PRRG1: variants seen among roughly 807,000 people sequenced by gnomAD.
PRRG1 encodes proline rich and Gla domain 1.
A neutral mutation model predicts 11.8 loss-of-function variants in PRRG1; 5 were observed. That is an observed-to-expected ratio of 0.42 (90% CI 0.22 to 0.89). The LOEUF (loss-of-function observed/expected upper bound fraction) is 0.89. PRRG1 is among the 40% of genes least tolerant of loss of function. The pLI, the probability that PRRG1 is intolerant of heterozygous loss-of-function variation, is 0.28. For synonymous variants in PRRG1, 66 were observed against 60.4 expected (o/e 1.09, Z -0.43); for missense variants, 155 against 166.1 (o/e 0.93, Z 0.37).
chrX:37,435,710 A>G (rs1245396343), intron 3 of PRRG1, among the ~76,000 whole-genome samples: 3 of 111,349 alleles, frequency 2.7e-5, no homozygotes, highest in African/African-American at 9.8e-5. Flanking sequence ...GACTACTATC[A>G]AAACAGTCAA....
In PRRG1 at chrX:37,448,168, A is replaced by T. The variant is rs188702415; in HGVS notation, c.172-4968A>T. 1.1e-3 allele frequency among the ~76,000 whole-genome samples: 122 copies of T among 112,327 alleles called. 2 individuals carry two copies. Among genetic ancestry groups the T allele is most frequent in the African/African-American group, 3.7e-3 (116 of 30,945 alleles). Reference sequence around the variant, plus strand: ...AAGCAACAAAAGAACGAAGCAACGAAAGCATAGATTTATTGAAGCAAAAGT... The same window carrying T: ...AAGCAACAAAAGAACGAAGCAACGATAGCATAGATTTATTGAAGCAAAAGT... On this transcript the variant is annotated intron_variant, in intron 3 of 3. Transcript: ENST00000378628.
At chrX:37,360,665 C>T (rs1051365589) in intron 1 of PRRG1, among the ~76,000 whole-genome samples, 2 of 112,195 alleles carry the variant, frequency 1.8e-5, no homozygotes, top group Admixed American at 9.4e-5. Context: ...GTCAGTAATA[C>T]CCAGTTAATT....
rs543950271 is a variant in PRRG1 at position 37,367,405 on chromosome X, A to G, written c.-42+18010A>G. Among the ~76,000 whole-genome samples, 105 of 111,559 alleles carry G rather than the reference A, an allele frequency of 9.4e-4. 1 individual carries two copies. The South Asian group carries it at 0.038, about 40-fold the overall frequency. On this transcript the variant is annotated intron_variant, in intron 1 of 3. Transcript: ENST00000378628. ...TTACAATTGTGTTTTTACTGTCCAA[A>G]TATGTAGGGTTTTCCTGGTTTTCAT... is the stretch of plus-strand genomic sequence containing the variant.
intron 1 of PRRG1, among the ~76,000 whole-genome samples, chrX:37,366,206 G>A (rs1485914601): frequency 8.9e-6 from 1 of 111,939 alleles, no homozygotes; most frequent in Non-Finnish European, 1.9e-5. Context: ...AATTCTTGGT[G>A]AAATGCCCTG....
At chrX:37,393,809 T>C (rs1203016847) in intron 1 of PRRG1, among the ~76,000 whole-genome samples, 2 of 112,120 alleles carry the variant, frequency 1.8e-5, no homozygotes, top group Non-Finnish European at 3.8e-5. Flanking sequence ...GACTGAAATA[T>C]AATAAGCAGT....
At chrX:37,391,721 A>G (rs373194532) in intron 1 of PRRG1, among the ~76,000 whole-genome samples, 3 of 111,941 alleles carry the variant, frequency 2.7e-5, no homozygotes, top group South Asian at 3.7e-4. Context: ...AGAGAATACA[A>G]TTGACTTTAT....
intron 1 of PRRG1, among the ~76,000 whole-genome samples, chrX:37,364,145 G>T (rs1930496596): frequency 9.0e-6 from 1 of 111,037 alleles, no homozygotes; most frequent in African/African-American, 3.3e-5. Flanking sequence ...CAGTCCTGGT[G>T]CTAGAGTTAG....
intron 1 of PRRG1, among the ~76,000 whole-genome samples, chrX:37,400,217 T>A (rs782542624): frequency 0.045 from 4,957 of 110,856 alleles, 296 homozygotes; most frequent in African/African-American, 0.15. Flanking sequence ...TCCAAAATTG[T>A]ACACATAGTT....
intron 1 of PRRG1, among the ~76,000 whole-genome samples, chrX:37,350,056 G>A (rs1449541549): frequency 9.5e-6 from 1 of 104,979 alleles, no homozygotes; most frequent in Non-Finnish European, 2.0e-5. Context: ...GGAGAGCGGG[G>A]GGAGGGGGAG....
intron 1 of PRRG1, among the ~76,000 whole-genome samples, chrX:37,378,637 G>T (rs886094399): frequency 9.0e-6 from 1 of 111,453 alleles, no homozygotes; most frequent in Non-Finnish European, 1.9e-5. Context: ...ACAATAGACG[G>T]ATTTGATCTC....
intron 1 of PRRG1, among the ~76,000 whole-genome samples, chrX:37,399,744 G>A (rs1272674837): frequency 3.8e-5 from 4 of 105,392 alleles, no homozygotes; most frequent in Admixed American, 2.1e-4. Context: ...CCCATCTCAC[G>A]TTCAGAGACA....
At position 37,454,535 on chromosome X, in the gene PRRG1, A is replaced by G. The variant is rs1158532620; in HGVS notation, c.*914A>G. On this transcript the variant is annotated 3_prime_UTR_variant, in exon 4 of 4. Transcript: ENST00000378628. ...TACTGTACGTTCTACACTCTGTCCT[A>G]CTCCCACAGAATTTTCAAGCCCTTA... 5 of 112,002 alleles carry G rather than the reference A, an allele frequency of 4.5e-5. No homozygotes were observed. Among genetic ancestry groups the G allele is most frequent in the African/African-American group, 1.6e-4 (5 of 30,768 alleles). The allele number at this position is 112,002 out of a possible 1,213,427, so 9.2% of individuals were successfully genotyped here. A position where few individuals can be genotyped will look rare whatever the true frequency, so the allele number is the denominator to read the frequency against.
At chrX:37,402,948 T>TA (rs1247130779) in intron 1 of PRRG1, among the ~76,000 whole-genome samples, 4 of 111,492 alleles carry the variant, frequency 3.6e-5, no homozygotes, top group Non-Finnish European at 7.5e-5. Context: ...TCACACCACT[T>TA]AGAATGGCAA....
chrX:37,356,292 G>A (rs1930230523), intron 1 of PRRG1, among the ~76,000 whole-genome samples: 1 of 111,434 alleles, frequency 9.0e-6, no homozygotes, highest in South Asian at 3.8e-4. Context: ...GGTGAATAGG[G>A]CATGTTGGAG....
At chrX:37,427,627 A>C (rs1202716084) in intron 3 of PRRG1, among the ~76,000 whole-genome samples, 1 of 112,119 alleles carries the variant, frequency 8.9e-6, no homozygotes, top group African/African-American at 3.2e-5. Flanking sequence ...TTTCTCCCCA[A>C]GCCCCTGGCA....
chrX:37,414,024 A>C (rs1932423957), intron 2 of PRRG1, among the ~76,000 whole-genome samples: 1 of 111,746 alleles, frequency 8.9e-6, no homozygotes, highest in African/African-American at 3.3e-5. Context: ...TTGTGTAAGT[A>C]TACTCCATGA....
chrX:37,411,221 T>C (rs782642042), intron 2 of PRRG1, among the ~76,000 whole-genome samples: 10 of 112,060 alleles, frequency 8.9e-5, no homozygotes, highest in Non-Finnish European at 1.3e-4. Context: ...TAGAGATGAT[T>C]TACAGTATAC....
chrX:37,433,173 C>T (rs1355900832), intron 3 of PRRG1, among the ~76,000 whole-genome samples: 1 of 111,712 alleles, frequency 9.0e-6, no homozygotes, highest in East Asian at 2.8e-4. Context: ...AATTCTCTTA[C>T]TTGCAAGGGC....
At chrX:37,434,364 G>A (rs1556391381) in intron 3 of PRRG1, among the ~76,000 whole-genome samples, 1 of 112,170 alleles carries the variant, frequency 8.9e-6, no homozygotes, top group Non-Finnish European at 1.9e-5. Context: ...AACAGTCACA[G>A]TATATACAAC....
Sources: allele counts gnomAD v4.1 joint callset (sites outside exome capture counted in the v4.1 genomes callset), GRCh38; gene constraint gnomAD v4.1.1; transcripts MANE v1.5; gene names NCBI Gene and HGNC (gene_info 2026-07-23, HGNC 2026-07-21).